HACE1: variants seen among roughly 807,000 people sequenced by gnomAD.
The protein encoded by HACE1 is HECT domain and ankyrin repeat containing E3 ubiquitin protein ligase 1, also known as E3 ubiquitin-protein ligase HACE1.
A neutral mutation model predicts 118.4 loss-of-function variants in HACE1; 73 were observed. That is an observed-to-expected ratio of 0.62 (90% CI 0.51 to 0.75). The LOEUF (loss-of-function observed/expected upper bound fraction) is 0.75. Ranked by LOEUF, HACE1 falls within the 30% of genes least tolerant of loss-of-function variation. The probability of loss-of-function intolerance (pLI) is 0.00; values close to 1 mark genes in which losing one functional copy is unlikely to be tolerated. For missense variants in HACE1, 749 were observed against 1,102.2 expected (o/e 0.68, Z 4.54); for synonymous variants, 368 against 374.8 (o/e 0.98, Z 0.21).
Position 104,849,148 on chromosome 6 carries a change from C to G in HACE1, c.320G>C (p.Arg107Thr). 6.4e-7 allele frequency: 1 copy of G among 1,569,156 alleles called. No individual in the cohort carries two copies. Among genetic ancestry groups the G allele is most frequent in the Non-Finnish European group, 8.8e-7 (1 of 1,138,896 alleles). The change falls in exon 4 of 24, where the codon AGA becomes ACA. Residue 107 changes from arginine to threonine, a missense_variant. Around this residue, in one of 5 missense-constraint regions of HACE1, gnomAD observed 120 missense variants for 219.1 expected, o/e 0.55. Transcript: ENST00000262903. ...AAGAAAACTAAATAGTTACCCATTT[C>G]TTGCTGCCAAATGAAGGGGTGTACA... ...SGCTPLHLAA[R>T]NGQKKCMSKL...
In HACE1 at chr6:104,847,810, G is replaced by T. The variant is rs557766192; in HGVS notation, c.326+1332C>A. Among the ~76,000 whole-genome samples, 48 of 151,486 alleles carry T rather than the reference G, an allele frequency of 3.2e-4. 1 individual carries two copies. Among genetic ancestry groups the T allele is most frequent in the Admixed American group, 8.6e-4 (13 of 15,192 alleles). On this transcript the variant is annotated intron_variant, in intron 4 of 23. Coordinates refer to ENST00000262903, the MANE Select transcript of HACE1 (RefSeq NM_020771.4). ...CGTGTCCATAGAGAAGTTTTTTGGG[G>T]TTTTTTTTGTTGTTTTTGATGTTTT... is the stretch of plus-strand genomic sequence containing the variant.
intron 5 of HACE1, among the ~76,000 whole-genome samples, chr6:104,840,164 T>C (rs1774953779): frequency 6.6e-6 from 1 of 152,204 alleles, no homozygotes; most frequent in African/African-American, 2.4e-5. Flanking sequence ...CTATTATTTC[T>C]TAGCACTGCA....
At chr6:104,781,671 T>C (rs1272682420) in intron 14 of HACE1, among the ~76,000 whole-genome samples, 2 of 152,096 alleles carry the variant, frequency 1.3e-5, no homozygotes, top group Non-Finnish European at 2.9e-5. Flanking sequence ...ATCACTGACA[T>C]GGCCCCTGCA....
chr6:104,786,633 C>CA (rs1215284742), intron 11 of HACE1: 1,869 of 130,472 alleles, frequency 0.014, 27 homozygotes, highest in African/African-American at 0.047. Context: ...AACAAACAAA[C>CA]AAAAAAAAAA....
intron 7 of HACE1, among the ~76,000 whole-genome samples, chr6:104,798,392 G>GT (rs1769925597): frequency 6.6e-6 from 1 of 151,932 alleles, no homozygotes; most frequent in Non-Finnish European, 1.5e-5. Context: ...TGGAATTAAA[G>GT]TTTTTTTAAA....
chr6:104,737,280 C>T (rs1208713729), intron 22 of HACE1, among the ~76,000 whole-genome samples: 3 of 79,774 alleles, frequency 3.8e-5, no homozygotes, highest in African/African-American at 1.7e-4. Context: ...GAGACTCTCT[C>T]TCAAAAAAAA....
chr6:104,758,391 T>A (rs1004445465), intron 19 of HACE1, among the ~76,000 whole-genome samples: 1 of 152,186 alleles, frequency 6.6e-6, no homozygotes, highest in Admixed American at 6.5e-5. Context: ...TGGGGGCCAA[T>A]ATTCAGTATT....
intron 4 of HACE1, among the ~76,000 whole-genome samples, chr6:104,847,329 G>A (rs559232911): frequency 1.9e-4 from 29 of 152,194 alleles, no homozygotes; most frequent in Admixed American, 3.3e-4. Context: ...GACCTTTGTC[G>A]ATACCCTATC....
intron 19 of HACE1, among the ~76,000 whole-genome samples, chr6:104,770,785 C>T (rs1385713953): frequency 6.6e-6 from 1 of 152,182 alleles, no homozygotes; most frequent in East Asian, 1.9e-4. Context: ...AACAAACTTA[C>T]TGGATCCCAA....
chr6:104,834,704 T>C (rs574724747), intron 5 of HACE1, among the ~76,000 whole-genome samples: 2 of 152,368 alleles, frequency 1.3e-5, no homozygotes, highest in Admixed American at 6.5e-5. Flanking sequence ...TGTCAGATTA[T>C]ACTTGTTGAC....
At chr6:104,742,042 G>C (rs1417014117) in intron 22 of HACE1, among the ~76,000 whole-genome samples, 2 of 144,966 alleles carry the variant, frequency 1.4e-5, no homozygotes, top group Non-Finnish European at 3.0e-5. Context: ...ACAAACCTGA[G>C]AAAAACAAGC....
chr6:104,776,744 C>T lies in HACE1; in HGVS notation c.1861G>A (p.Asp621Asn). 6.3e-7 allele frequency: 1 copy of T among 1,580,816 alleles called. No individual in the cohort carries two copies. Among genetic ancestry groups the T allele is most frequent in the Non-Finnish European group, 8.7e-7 (1 of 1,149,518 alleles). Residue 621 changes from aspartate to asparagine, a missense_variant, in exon 17 of 24, where the codon GAT becomes AAT. By Grantham distance (23) the Asp-to-Asn change is conservative (BLOSUM62 1). This residue lies in a region of HACE1 where 195 missense variants were observed against 322.1 expected (regional missense o/e 0.61). Transcript: ENST00000262903. ...TCATCTAGACTGTACAACTTACCAT[C>T]AGCTGACTGGGTAAACAATGCATAA... ...PDYALFTQSA[D>N]GTTFQPNSNS...
chr6:104,756,411 C>CAAAAA (rs149270056), intron 19 of HACE1, among the ~76,000 whole-genome samples: 2 of 103,436 alleles, frequency 1.9e-5, no homozygotes, highest in African/African-American at 3.7e-5. Flanking sequence ...GATTCCATCT[C>CAAAAA]AAAAAAAAAA....
intron 20 of HACE1, among the ~76,000 whole-genome samples, chr6:104,745,881 C>T (rs1458199681): frequency 6.6e-6 from 1 of 152,084 alleles, no homozygotes; most frequent in Non-Finnish European, 1.5e-5. Flanking sequence ...TGAGGGTTTC[C>T]GAGATCTACT....
At chr6:104,816,313 G>A (rs543820774) in intron 6 of HACE1, among the ~76,000 whole-genome samples, 1 of 152,202 alleles carries the variant, frequency 6.6e-6, no homozygotes, top group African/African-American at 2.4e-5. Flanking sequence ...GGGGAAAATG[G>A]CTTCACAGGC....
At position 104,811,300 on chromosome 6, in the gene HACE1, A is replaced by C; in HGVS notation, c.617+11T>G. ...AGCATATATAGCATCTGGAAATATA[A>C]AATATCATACCTGCAAGCAAAGTAC... is the stretch of plus-strand genomic sequence containing the variant. On this transcript the variant is annotated intron_variant, in intron 7 of 23. Coordinates refer to ENST00000262903, the MANE Select transcript of HACE1 (RefSeq NM_020771.4). 1 of 1,006,058 alleles carries C rather than the reference A, an allele frequency of 9.9e-7. No homozygotes were observed. 62.3% of individuals were successfully genotyped at this position (1,006,058 alleles called of 1,614,324 possible).
intron 7 of HACE1, among the ~76,000 whole-genome samples, chr6:104,807,549 G>A (rs1157903754): frequency 6.6e-6 from 1 of 152,056 alleles, no homozygotes; most frequent in Non-Finnish European, 1.5e-5. Flanking sequence ...GAAAATACCT[G>A]AAAACCATTA....
chr6:104,820,949 C>T (rs1033562298), intron 6 of HACE1, among the ~76,000 whole-genome samples: 1 of 152,118 alleles, frequency 6.6e-6, no homozygotes, highest in African/African-American at 2.4e-5. Context: ...AAATGCCCAT[C>T]GATGGTAGAC....
chr6:104,746,498 C>T (rs1045023066), intron 20 of HACE1, among the ~76,000 whole-genome samples: 1 of 152,200 alleles, frequency 6.6e-6, no homozygotes, highest in African/African-American at 2.4e-5. Flanking sequence ...GTACTCTCTG[C>T]TCCCCCACTG....
Sources: allele counts gnomAD v4.1 joint callset (sites outside exome capture counted in the v4.1 genomes callset), GRCh38; gene constraint gnomAD v4.1.1; regional missense constraint gnomAD v4.1.1; transcripts MANE v1.5; gene names NCBI Gene and HGNC (gene_info 2026-07-23, HGNC 2026-07-21).